Variants in KIAA1549L observed in about 807,000 individuals in gnomAD.
KIAA1549L encodes KIAA1549 like.
KIAA1549L carries 88 observed loss-of-function variants against 160.7 expected under a neutral mutation model. The ratio of observed to expected loss-of-function variants is 0.55; its 90% CI spans 0.46 to 0.65. KIAA1549L has a LOEUF of 0.65. Among genes scored for constraint, KIAA1549L ranks in the 30% least tolerant of loss-of-function variants. KIAA1549L has a pLI of 0.00. For missense variants in KIAA1549L, 2,258 were observed against 2,437.5 expected, an observed-to-expected ratio of 0.93 and a Z score of 1.55; for synonymous variants, 950 against 976.7, an observed-to-expected ratio of 0.97 and a Z score of 0.51.
chr11:33,550,954 A>G, intron 4 of KIAA1549L, 86 bp from the exon 5 acceptor site: 1 of 1,060,636 alleles, frequency 9.4e-7, no homozygotes, highest in Non-Finnish European at 1.5e-6. Flanking sequence ...CTTGTTTCTA[A>G]CAGCCGTGGT....
At chr11:33,640,359 G>T (rs1851551551) in intron 16 of KIAA1549L, among the ~76,000 whole-genome samples, 1 of 152,124 alleles carries the variant, frequency 6.6e-6, no homozygotes, top group African/African-American at 2.4e-5. Flanking sequence ...TAATTACTCT[G>T]CCATTCACAT....
At chr11:33,474,791 G>T (rs1315619773) in intron 1 of KIAA1549L, among the ~76,000 whole-genome samples, 1 of 152,246 alleles carries the variant, frequency 6.6e-6, no homozygotes, top group African/African-American at 2.4e-5. Flanking sequence ...AATGGCTGCA[G>T]CCTAATTGCT....
At chr11:33,553,255 C>T (rs917793499) in intron 6 of KIAA1549L, among the ~76,000 whole-genome samples, 2 of 151,924 alleles carry the variant, frequency 1.3e-5, no homozygotes, top group Non-Finnish European at 2.9e-5. Context: ...CCTTCGCGGC[C>T]TCCCGAAGTG....
intron 1 of KIAA1549L, among the ~76,000 whole-genome samples, chr11:33,482,464 T>C (rs1852431008): frequency 6.6e-6 from 1 of 152,178 alleles, no homozygotes; most frequent in African/African-American, 2.4e-5. Flanking sequence ...ATCTGCACCT[T>C]TTTTGGGAAA....
rs565981533 is a variant in KIAA1549L at position 33,390,399 on chromosome 11, A to G, written c.238+13510A>G. On this transcript the variant is annotated intron_variant, in intron 1 of 20. Coordinates refer to ENST00000658780, the MANE Select transcript of KIAA1549L (RefSeq NM_012194.3). ...TCCCCATAGCTTCTTGGTTCCCCTG[A>G]CAATAAACCTTGCACGGGGCTTTTC... Among the ~76,000 whole-genome samples the G allele has an allele frequency of 3.9e-4, 59 of 152,242 alleles. No individual in the cohort carries two copies. In the South Asian group the frequency reaches 0.011, roughly 29 times the overall value.
intron 1 of KIAA1549L, among the ~76,000 whole-genome samples, chr11:33,530,429 A>T (rs146100939): frequency 1.6e-4 from 3 of 19,126 alleles, no homozygotes; most frequent in Non-Finnish European, 2.4e-4. Flanking sequence ...AAAAAAAAAA[A>T]AAAAAAAATA....
At chr11:33,435,325 A>G (rs185902036) in intron 1 of KIAA1549L, among the ~76,000 whole-genome samples, 1 of 152,306 alleles carries the variant, frequency 6.6e-6, no homozygotes, top group African/African-American at 2.4e-5. Context: ...AGGCACCTGA[A>G]GAGGCATGGA....
intron 1 of KIAA1549L, among the ~76,000 whole-genome samples, chr11:33,513,269 C>T (rs1200392055): frequency 6.6e-6 from 1 of 152,188 alleles, no homozygotes; most frequent in Non-Finnish European, 1.5e-5. Flanking sequence ...GGAGTCTTCT[C>T]ATGGAGGAAT....
intron 1 of KIAA1549L, among the ~76,000 whole-genome samples, chr11:33,453,527 T>A (rs1590256220): frequency 6.6e-6 from 1 of 152,210 alleles, no homozygotes; most frequent in East Asian, 1.9e-4. Context: ...CCTGGGGAGA[T>A]TTTCTTGGAG....
At chr11:33,495,522 A>T (rs1304683624) in intron 1 of KIAA1549L, among the ~76,000 whole-genome samples, 1 of 152,058 alleles carries the variant, frequency 6.6e-6, no homozygotes, top group Admixed American at 6.6e-5. Flanking sequence ...AATCCAGTCT[A>T]TCATTGTTGG....
chr11:33,665,866 G>C (rs77185633), intron 20 of KIAA1549L, among the ~76,000 whole-genome samples: 4,044 of 150,870 alleles, frequency 0.027, 90 homozygotes, highest in African/African-American at 0.062. Flanking sequence ...CCAGCAGGGA[G>C]GGGGGCACCT....
At chr11:33,421,053 A>G (rs2134103506) in intron 1 of KIAA1549L, among the ~76,000 whole-genome samples, 1 of 152,346 alleles carries the variant, frequency 6.6e-6, no homozygotes, top group Admixed American at 6.5e-5. Flanking sequence ...CTGCAAACAA[A>G]TGAACTGGAT....
chr11:33,523,643 C>CT (rs1270425490), intron 1 of KIAA1549L, among the ~76,000 whole-genome samples: 1 of 152,196 alleles, frequency 6.6e-6, no homozygotes, highest in Non-Finnish European at 1.5e-5. Flanking sequence ...TGAGAAAACA[C>CT]TGAGTCCTGA....
At chr11:33,573,303 A>C (rs1040249687) in intron 9 of KIAA1549L, among the ~76,000 whole-genome samples, 1 of 152,108 alleles carries the variant, frequency 6.6e-6, no homozygotes, top group African/African-American at 2.4e-5. Context: ...TTCCCTCTTC[A>C]GAGTTTAGAG....
intron 1 of KIAA1549L, among the ~76,000 whole-genome samples, chr11:33,487,935 T>G (rs2133060905): frequency 6.6e-6 from 1 of 152,338 alleles, no homozygotes; most frequent in Non-Finnish European, 1.5e-5. Context: ...AAAATTCTTT[T>G]GCTTCCTGTC....
chr11:33,533,144 A>T (rs978546460), intron 1 of KIAA1549L, among the ~76,000 whole-genome samples: 1 of 152,200 alleles, frequency 6.6e-6, no homozygotes, highest in African/African-American at 2.4e-5. Flanking sequence ...GAGCCAGATC[A>T]GTACATGTGC....
intron 1 of KIAA1549L, among the ~76,000 whole-genome samples, chr11:33,489,222 C>T (rs1443105054): frequency 6.6e-6 from 1 of 152,112 alleles, no homozygotes; most frequent in Non-Finnish European, 1.5e-5. Flanking sequence ...GATCAGGGTG[C>T]CAGCAGGATT....
In KIAA1549L at chr11:33,395,209, C is replaced by CTGCCTAGAGCAGTCTCTGGCACA. The variant is rs1431181090; in HGVS notation, c.238+18321_238+18343dup. On this transcript the variant is annotated intron_variant, in intron 1 of 20. Coordinates refer to ENST00000658780, the MANE Select transcript of KIAA1549L (RefSeq NM_012194.3). ...ACAGGAACTTAATCTGTTTTGTTCA[C>CTGCCTAGAGCAGTCTCTGGCACA]TGCCTAGAGCAGTCTCTGGCACACA... 3.3e-5 allele frequency among the ~76,000 whole-genome samples: 5 copies of CTGCCTAGAGCAGTCTCTGGCACA among 152,326 alleles called. No individual in the cohort carries two copies. In the East Asian group the frequency reaches 9.6e-4, roughly 29 times the overall value.
chr11:33,569,295 T>G (rs901159676), intron 9 of KIAA1549L, among the ~76,000 whole-genome samples: 1 of 152,206 alleles, frequency 6.6e-6, no homozygotes, highest in Non-Finnish European at 1.5e-5. Context: ...CACTGAGAAC[T>G]CATGTCTAAC....
Sources: allele counts gnomAD v4.1 joint callset (sites outside exome capture counted in the v4.1 genomes callset), GRCh38; gene constraint gnomAD v4.1.1; transcripts MANE v1.5; gene names NCBI Gene and HGNC (gene_info 2026-07-23, HGNC 2026-07-21).